The following SLC30A4 variants were observed in gnomAD, a reference collection of about 807,000 sequenced individuals.
SLC30A4 encodes the protein probable proton-coupled zinc antiporter SLC30A4.
SLC30A4 carries 20 observed loss-of-function variants against 41.7 expected under a neutral mutation model. That is an observed-to-expected ratio of 0.48 (90% CI 0.34 to 0.70). SLC30A4 has a LOEUF of 0.70. Among genes scored for constraint, SLC30A4 ranks in the 30% least tolerant of loss-of-function variants. The pLI is 0.01. For missense variants in SLC30A4, 441 were observed against 529.3 expected (o/e 0.83, Z 1.64); for synonymous variants, 181 against 195.9 (o/e 0.92, Z 0.64).
chr15:45,494,614 G>C (rs1891874604), intron 3 of SLC30A4, among the ~76,000 whole-genome samples: 1 of 152,290 alleles, frequency 6.6e-6, no homozygotes, highest in South Asian at 2.1e-4. Context: ...AAACCTGGGA[G>C]GTGGAGGTTG....
chr15:45,491,163 A>G (rs1358693567), intron 3 of SLC30A4, among the ~76,000 whole-genome samples: 1 of 152,042 alleles, frequency 6.6e-6, no homozygotes, highest in East Asian at 1.9e-4. Flanking sequence ...CTGGTACTAT[A>G]GGCACATGCC....
chr15:45,489,808 T>G (rs1418736306), intron 4 of SLC30A4, among the ~76,000 whole-genome samples: 1 of 152,078 alleles, frequency 6.6e-6, no homozygotes, highest in African/African-American at 2.4e-5. Flanking sequence ...TCATTCTAAG[T>G]ACAAATAGAA....
At position 45,479,796 on chromosome 15, in the gene SLC30A4, A is replaced by G. The variant is rs1170871508; in HGVS notation, c.*5367T>C. The G allele has an allele frequency of 1.3e-5, 2 of 151,824 alleles. No homozygotes were observed. Among genetic ancestry groups the G allele is most frequent in the East Asian group, 3.8e-4 (2 of 5,202 alleles). 9.4% of individuals were successfully genotyped at this position (151,824 alleles called of 1,614,324 possible). A position where few individuals can be genotyped will look rare whatever the true frequency, so the allele number is the denominator to read the frequency against. ...AACCACATGGCAAAACAATACTTTAATAAGTGTATAGGAAATTACAATGTG... is the reference window on the plus strand; with the variant it reads ...AACCACATGGCAAAACAATACTTTAGTAAGTGTATAGGAAATTACAATGTG... On this transcript the variant is annotated 3_prime_UTR_variant, in exon 8 of 8. Transcript: ENST00000261867.
rs140492941 is a variant in SLC30A4, at chr15:45,514,317, C to T, written c.392-3033G>A. On this transcript the variant is annotated intron_variant, in intron 2 of 7. Coordinates refer to ENST00000261867, the MANE Select transcript of SLC30A4 (RefSeq NM_013309.6). ...TGGAGGTTGTGGTGAGCTGAGATTG[C>T]GCCATTGTACTCCAGCCTGGGCAAC... 4.3e-3 allele frequency among the ~76,000 whole-genome samples: 631 copies of T among 146,304 alleles called. 4 individuals are homozygous for T. The highest frequency in any genetic ancestry group is 0.015 in the African/African-American group (602 of 39,756).
intron 3 of SLC30A4, among the ~76,000 whole-genome samples, chr15:45,500,618 AT>A (rs1892002838): frequency 1.4e-4 from 3 of 21,154 alleles, no homozygotes; most frequent in Admixed American, 1.4e-3. Context: ...GGGTCTGTCT[AT>A]CTATCTATCT....
chr15:45,486,477 A>G lies in SLC30A4; in HGVS notation c.1135+134T>C. The G allele has an allele frequency of 3.8e-6, 3 of 793,728 alleles. No individual in the cohort carries two copies. In the South Asian group the frequency reaches 7.1e-5, roughly 19 times the overall value. 49.2% of individuals were successfully genotyped at this position (793,728 alleles called of 1,614,324 possible). A position where few individuals can be genotyped will look rare whatever the true frequency, so the allele number is the denominator to read the frequency against. On this transcript the variant is annotated intron_variant, in intron 7 of 7. Transcript: ENST00000261867. ...CTGTTAACAAAAGCCTTTGTTTTTT[A>G]AAGACAAAGGCTTTTGTCTTAAAAC...
At chr15:45,507,849 T>G (rs1401659144) in intron 3 of SLC30A4, among the ~76,000 whole-genome samples, 1 of 152,166 alleles carries the variant, frequency 6.6e-6, no homozygotes, top group Non-Finnish European at 1.5e-5. Flanking sequence ...TAGTTTAGTT[T>G]TGGTCATTTT....
intron 2 of SLC30A4, among the ~76,000 whole-genome samples, chr15:45,520,501 C>A (rs2140865618): frequency 6.6e-6 from 1 of 152,250 alleles, no homozygotes; most frequent in South Asian, 2.1e-4. Flanking sequence ...TCTCAAACTC[C>A]TGACCTCAGG....
At chr15:45,515,323 C>T (rs1892435251) in intron 2 of SLC30A4, among the ~76,000 whole-genome samples, 1 of 152,084 alleles carries the variant, frequency 6.6e-6, no homozygotes, top group Non-Finnish European at 1.5e-5. Context: ...CCACTGCACC[C>T]AGCCCTTAAT....
chr15:45,516,247 T>C (rs1212346313), intron 2 of SLC30A4, among the ~76,000 whole-genome samples: 1 of 152,232 alleles, frequency 6.6e-6, no homozygotes, highest in Non-Finnish European at 1.5e-5. Flanking sequence ...ACAACCAATC[T>C]GGAGCTTACT....
At chr15:45,521,806 G>T (rs376612020) in intron 2 of SLC30A4, 158 bp downstream of exon 2, 1 of 672,590 alleles carries the variant, frequency 1.5e-6, no homozygotes, top group Non-Finnish European at 2.5e-6. Context: ...AGATTGAGCT[G>T]CACTTTGGAA....
Position 45,480,903 on chromosome 15 carries a change from C to G in SLC30A4, c.*4260G>C, listed in dbSNP as rs1170689209. ...TCTACCACACTTACTCTACGAAGTC[C>G]AGTGTGCAGAGAAATCTGGATCTGG... On this transcript the variant is annotated 3_prime_UTR_variant, in exon 8 of 8. Transcript: ENST00000261867. The G allele has an allele frequency of 6.6e-6, 1 of 152,212 alleles. No homozygotes were observed. The allele number at this position is 152,212 out of a possible 1,614,324, so 9.4% of individuals were successfully genotyped here.
chr15:45,512,792 G>T (rs1399777220), intron 2 of SLC30A4, among the ~76,000 whole-genome samples: 1 of 152,136 alleles, frequency 6.6e-6, no homozygotes, highest in Non-Finnish European at 1.5e-5. Context: ...GCTGTCCAAT[G>T]GTGTAGCCAC....
At chr15:45,487,960 AGTGTGTGTGTGTGTGTGTGTGT>A (rs58392709) in intron 5 of SLC30A4, among the ~76,000 whole-genome samples, 2 of 139,668 alleles carry the variant, frequency 1.4e-5, no homozygotes, top group Non-Finnish European at 1.6e-5. Context: ...GCTGGAAAAA[AGTGTGTGTGTGTGTGTGTGTGT>A]GTGTGTGTGT....
intron 2 of SLC30A4, among the ~76,000 whole-genome samples, chr15:45,512,933 C>T (rs1266246163): frequency 3.3e-5 from 5 of 151,562 alleles, no homozygotes; most frequent in African/African-American, 7.3e-5. Flanking sequence ...TCTGAGGCTG[C>T]AGTAAGCTTT....
At chr15:45,502,872 C>T (rs140397740) in intron 3 of SLC30A4, 63 of 152,040 alleles carry the variant, frequency 4.1e-4, no homozygotes, top group Non-Finnish European at 6.9e-4. Flanking sequence ...TATATGCATG[C>T]AGTCCTAGCT....
chr15:45,517,707 G>A (rs1045814624), intron 2 of SLC30A4, among the ~76,000 whole-genome samples: 3 of 151,752 alleles, frequency 2.0e-5, no homozygotes, highest in African/African-American at 7.3e-5. Flanking sequence ...CCAGCACTTT[G>A]GGAGGCCGAG....
In SLC30A4 at chr15:45,490,822, A is replaced by T. The variant is rs1252516368; in HGVS notation, c.598T>A (p.Tyr200Asn). 1.9e-6 allele frequency: 3 copies of T among 1,610,628 alleles called. No individual in the cohort carries two copies. The highest frequency in any genetic ancestry group is 2.7e-5 in the African/African-American group (2 of 74,970). ...LVYILMGFLL[Y>N]EAVQRTIHMN... is the part of the protein sequence containing the mutation. Reference sequence around the variant, plus strand: ...TGGATAGTTCTTTGCACAGCTTCATATAAGAGGAATCCCATAAGTATATAC... The same window carrying T: ...TGGATAGTTCTTTGCACAGCTTCATTTAAGAGGAATCCCATAAGTATATAC... The change falls in exon 4 of 8, where the codon TAT (tyrosine) becomes AAT (asparagine). Residue 200 changes from tyrosine to asparagine, a missense_variant. Coordinates refer to ENST00000261867, the MANE Select transcript of SLC30A4 (RefSeq NM_013309.6).
chr15:45,493,421 G>A (rs1424429704), intron 3 of SLC30A4, among the ~76,000 whole-genome samples: 2 of 152,072 alleles, frequency 1.3e-5, no homozygotes, highest in East Asian at 3.8e-4. Flanking sequence ...CTCAAAAGTT[G>A]GTTAAGTATA....
Sources: allele counts gnomAD v4.1 joint callset (sites outside exome capture counted in the v4.1 genomes callset), GRCh38; gene constraint gnomAD v4.1.1; transcripts MANE v1.5; gene names NCBI Gene and HGNC (gene_info 2026-07-23, HGNC 2026-07-21).